CASS4: variants seen among roughly 807,000 people sequenced by gnomAD.
The protein encoded by CASS4 is cas scaffolding protein family member 4.
A neutral mutation model predicts 54.2 loss-of-function variants in CASS4; 22 were observed. That is an observed-to-expected ratio of 0.41 (90% CI 0.29 to 0.58). The LOEUF (loss-of-function observed/expected upper bound fraction) is 0.58. Ranked by LOEUF, CASS4 falls within the 20% of genes least tolerant of loss-of-function variation. CASS4 has a pLI of 0.36. For missense variants in CASS4, 854 were observed against 986.7 expected (o/e 0.87, Z 1.80); for synonymous variants, 409 against 391.5 (o/e 1.04, Z -0.53).
Position 56,458,720 on chromosome 20 carries a change from G to T in CASS4, c.2334G>T (p.Thr778=), listed in dbSNP as rs755377297. 3 of 1,609,262 alleles carry T rather than the reference G, an allele frequency of 1.9e-6. No homozygotes were observed. The highest frequency in any genetic ancestry group is 2.2e-5 in the East Asian group (1 of 44,744). ...AGGCTGAGAAGCTGGAGCAACACAC[G>T]CGGCAGTTCAGAGGGACACTGGGAT... ...QAEAEKLEQH[T]RQFRGTLG is the part of the protein sequence containing the mutation. The change falls in exon 6 of 6, where the codon ACG becomes ACT. Residue 778 remains threonine (T), a synonymous_variant. Coordinates refer to ENST00000679887, the MANE Select transcript of CASS4 (RefSeq NM_020356.4).
At chr20:56,416,416 G>A (rs765987665) in intron 1 of CASS4, among the ~76,000 whole-genome samples, 16 of 152,132 alleles carry the variant, frequency 1.1e-4, no homozygotes, top group East Asian at 1.9e-4. Context: ...CTTATTATAC[G>A]TAAGTTCTTA....
At position 56,452,324 on chromosome 20, in the gene CASS4, G is replaced by T; in HGVS notation, c.1148G>T (p.Trp383Leu). The change falls in exon 5 of 6, where the codon TGG (tryptophan) becomes TTG (leucine). Residue 383 changes from tryptophan to leucine, a missense_variant. By Grantham distance (61) the Trp-to-Leu change is moderately conservative. Coordinates refer to ENST00000679887, the MANE Select transcript of CASS4 (RefSeq NM_020356.4). Reference sequence around the variant, plus strand: ...AATTCCGCGGGCCATAATTCCTCATGGTTCTCCAGACGGACAACTTCCCCA... The same window carrying T: ...AATTCCGCGGGCCATAATTCCTCATTGTTCTCCAGACGGACAACTTCCCCA... ...SENSAGHNSS[W>L]FSRRTTSPSP... The T allele has an allele frequency of 4.3e-6, 7 of 1,613,932 alleles. No homozygotes were observed. Among genetic ancestry groups the T allele is most frequent in the Non-Finnish European group, 5.9e-6 (7 of 1,180,038 alleles).
At chr20:56,450,385 G>T (rs1336257146) in intron 3 of CASS4, among the ~76,000 whole-genome samples, 1 of 152,172 alleles carries the variant, frequency 6.6e-6, no homozygotes, top group South Asian at 2.1e-4. Flanking sequence ...ATGGGAAAAA[G>T]GACTGTGATG....
intron 2 of CASS4, among the ~76,000 whole-genome samples, chr20:56,440,988 ATT>A (rs751312557): frequency 1.9e-4 from 26 of 134,866 alleles, no homozygotes; most frequent in East Asian, 2.1e-4. Flanking sequence ...AAAAAAAAAA[ATT>A]TTTTTTTTTT....
In CASS4 at chr20:56,453,279, A is replaced by G. The variant is rs1981133654; in HGVS notation, c.1953+150A>G. 6.4e-6 allele frequency: 4 copies of G among 622,248 alleles called. No homozygotes were observed. In the East Asian group the frequency reaches 1.1e-4, roughly 17 times the overall value. 38.5% of individuals were successfully genotyped at this position (622,248 alleles called of 1,614,324 possible). Reference sequence around the variant, plus strand: ...AGAAAATAAAATTTATGAAAGTAAAATTCTTGATGAAATCTTATTAACAAG... The same window carrying G: ...AGAAAATAAAATTTATGAAAGTAAAGTTCTTGATGAAATCTTATTAACAAG... On this transcript the variant is annotated intron_variant, in intron 5 of 5. Transcript: ENST00000679887.
At chr20:56,457,504 T>C (rs762909780) in intron 5 of CASS4, among the ~76,000 whole-genome samples, 11 of 152,296 alleles carry the variant, frequency 7.2e-5, no homozygotes, top group Non-Finnish European at 8.8e-5. Flanking sequence ...GATGAAACCT[T>C]ATTAGCAAAT....
intron 5 of CASS4, 89 bp downstream of exon 5, chr20:56,453,218 T>C (rs2146297558): frequency 3.3e-6 from 3 of 917,040 alleles, no homozygotes; most frequent in East Asian, 2.6e-5. Context: ...CTTTCCATAG[T>C]GTATAGGCTT....
At chr20:56,448,144 A>G (rs1463150757) in intron 3 of CASS4, among the ~76,000 whole-genome samples, 8 of 77,570 alleles carry the variant, frequency 1.0e-4, no homozygotes, top group African/African-American at 7.5e-4. Context: ...TCTGTCTCAA[A>G]AAAAAAAAAA....
intron 2 of CASS4, among the ~76,000 whole-genome samples, chr20:56,442,374 G>A (rs1477816779): frequency 6.6e-6 from 1 of 151,740 alleles, no homozygotes; most frequent in African/African-American, 2.4e-5. Context: ...CCACACAGCT[G>A]ATGAAGTACG....
chr20:56,437,718 G>A lies in CASS4; in HGVS notation c.459+132G>A, dbSNP rs972254100. 9 of 816,244 alleles carry A rather than the reference G, an allele frequency of 1.1e-5. No homozygotes were observed. Among genetic ancestry groups the A allele is most frequent in the Admixed American group, 3.3e-5 (1 of 30,342 alleles). 50.6% of individuals were successfully genotyped at this position (816,244 alleles called of 1,614,324 possible). ...GGGAGCCCAGATTGCTGGCAATCAC[G>A]CTCGGGGAGCTTGTGTGCCAGGTTG... is the stretch of plus-strand genomic sequence containing the variant. On this transcript the variant is annotated intron_variant, in intron 2 of 5. Transcript: ENST00000679887. The surrounding 1 kb of genome is among the most constrained non-coding windows in gnomAD (Gnocchi z 4.7).
chr20:56,422,714 C>T (rs1323368342), intron 1 of CASS4, among the ~76,000 whole-genome samples: 1 of 152,170 alleles, frequency 6.6e-6, no homozygotes, highest in Non-Finnish European at 1.5e-5. Context: ...AGGAAGAATT[C>T]AAAGCTGGCT....
At chr20:56,427,009 C>T (rs368949451) in intron 1 of CASS4, among the ~76,000 whole-genome samples, 63 of 152,122 alleles carry the variant, frequency 4.1e-4, no homozygotes, top group African/African-American at 1.5e-3. Context: ...TGCTGTAACT[C>T]CCTAAGCTAG....
intron 3 of CASS4, among the ~76,000 whole-genome samples, chr20:56,449,617 C>A (rs1046555517): frequency 7.9e-5 from 12 of 151,036 alleles, no homozygotes; most frequent in African/African-American, 2.9e-4. Flanking sequence ...TAATAATAAT[C>A]ATAAATTATT....
At chr20:56,448,383 C>T (rs565171779) in intron 3 of CASS4, among the ~76,000 whole-genome samples, 3 of 152,252 alleles carry the variant, frequency 2.0e-5, no homozygotes, top group South Asian at 4.2e-4. Flanking sequence ...TTGCTCTCCT[C>T]CCCCTGGTCC....
chr20:56,446,129 A>G, intron 3 of CASS4, 128 bp downstream of exon 3: 1 of 609,896 alleles, frequency 1.6e-6, no homozygotes, highest in East Asian at 2.8e-5. Flanking sequence ...CAGAATACAC[A>G]TCACCACTCA....
rs1404080861 is a variant in CASS4 at position 56,437,037 on chromosome 20, G to A, written c.37-127G>A. 3 of 851,220 alleles carry A rather than the reference G, an allele frequency of 3.5e-6. No homozygotes were observed. Among genetic ancestry groups the A allele is most frequent in the Non-Finnish European group, 5.4e-6 (3 of 551,814 alleles). 52.7% of individuals were successfully genotyped at this position (851,220 alleles called of 1,614,324 possible). A position where few individuals can be genotyped will look rare whatever the true frequency, so the allele number is the denominator to read the frequency against. Reference sequence around the variant, plus strand: ...CAAAGAGCAGGGACAAGAGCCTCTGGGGTGGAAGAAATGAAATGAAAGGGC... The same window carrying A: ...CAAAGAGCAGGGACAAGAGCCTCTGAGGTGGAAGAAATGAAATGAAAGGGC... On this transcript the variant is annotated intron_variant, in intron 1 of 5. Transcript: ENST00000679887. This position sits in a 1 kb window ranked among gnomAD's most constrained non-coding sequence, Gnocchi z 4.7.
chr20:56,453,079 G>A lies in CASS4; in HGVS notation c.1903G>A (p.Glu635Lys), dbSNP rs751609355. The A allele has an allele frequency of 2.5e-6, 4 of 1,614,062 alleles. No homozygotes were observed. Among genetic ancestry groups the A allele is most frequent in the Non-Finnish European group, 3.4e-6 (4 of 1,180,018 alleles). Residue 635 changes from glutamate (E) to lysine (K), a missense_variant, in exon 5 of 6, where the codon GAA becomes AAA. Physicochemically the swap from Glu to Lys is moderately conservative, Grantham distance 56. Coordinates refer to ENST00000679887, the MANE Select transcript of CASS4 (RefSeq NM_020356.4). ...STPSTKQRED[E>K]HSSELLKKNR... Reference sequence around the variant, plus strand: ...CCCTTCCACTAAGCAAAGGGAAGATGAACACTCTTCTGAACTATTAAAGAA... The same window carrying A: ...CCCTTCCACTAAGCAAAGGGAAGATAAACACTCTTCTGAACTATTAAAGAA...
rs1442960101 is a variant in CASS4 at position 56,458,459 on chromosome 20, C to A, written c.2073C>A (p.His691Gln). ...TCTTCAAAGCCATCAGCGCATTTCA[C>A]GGCAGCCTCAGCAGCAGCCAGCCCG... ...GALFKAISAFHGSLSSSQPAE... is the reference protein window; with the variant it reads ...GALFKAISAFQGSLSSSQPAE... The change falls in exon 6 of 6, where the codon CAC becomes CAA. Residue 691 changes from histidine (H) to glutamine (Q), a missense_variant. Physicochemically the swap from His to Gln is conservative, Grantham distance 24. Transcript: ENST00000679887. 7 of 1,614,206 alleles carry A rather than the reference C, an allele frequency of 4.3e-6. No individual in the cohort carries two copies. Among genetic ancestry groups the A allele is most frequent in the Admixed American group, 1.7e-5 (1 of 60,016 alleles).
intron 4 of CASS4, 102 bp downstream of exon 4, chr20:56,450,781 C>T: frequency 9.0e-7 from 1 of 1,109,996 alleles, no homozygotes; most frequent in Middle Eastern, 2.4e-4. Context: ...AGCCTGTAAT[C>T]CCAGCACTTT....
Sources: allele counts gnomAD v4.1 joint callset (sites outside exome capture counted in the v4.1 genomes callset), GRCh38; gene constraint gnomAD v4.1.1; non-coding constraint Gnocchi (gnomAD v3.1); transcripts MANE v1.5; gene names NCBI Gene and HGNC (gene_info 2026-07-23, HGNC 2026-07-21).